ZNF599: variants seen among roughly 807,000 people sequenced by gnomAD.
The protein encoded by ZNF599 is zinc finger protein 599.
Under a neutral mutation model 11.7 loss-of-function variants are expected in ZNF599, and 10 were observed. The observed-to-expected ratio is 0.86, with a 90% CI of 0.53 to 1.45. The LOEUF is 1.45. Ranked by LOEUF, ZNF599 falls within the 40% of genes most tolerant of loss-of-function variation. The pLI is 0.00. For missense variants in ZNF599, 688 were observed against 713.6 expected, an observed-to-expected ratio of 0.96 and a Z score of 0.41; for synonymous variants, 232 against 253.2, an observed-to-expected ratio of 0.92 and a Z score of 0.79.
the ZNF599 span, among the ~76,000 whole-genome samples, chr19:34,801,506 A>C: frequency 1.3e-5 from 2 of 152,274 alleles, no homozygotes; most frequent in East Asian, 3.9e-4. Flanking sequence ...CCTTTCCCCA[A>C]TTTGGACTCT....
At chr19:34,801,693 C>T in the ZNF599 span, among the ~76,000 whole-genome samples, 1 of 152,236 alleles carries the variant, frequency 6.6e-6, no homozygotes, top group African/African-American at 2.4e-5. Context: ...CTGCCCCACA[C>T]TCAGTGGTGC....
chr19:34,772,789 C>G, intron 1 of ZNF599, 35 bp downstream of exon 1: 1 of 1,535,028 alleles, frequency 6.5e-7, no homozygotes, highest in Non-Finnish European at 8.7e-7. Context: ...GGGCGGTGAC[C>G]CGAGCTCGCG....
the ZNF599 span, among the ~76,000 whole-genome samples, chr19:34,804,091 T>C: frequency 6.6e-6 from 1 of 152,200 alleles, no homozygotes; most frequent in Non-Finnish European, 1.5e-5. Context: ...ACCTTCTGGC[T>C]GTTTCATCAG....
Position 34,773,002 on chromosome 19 carries a change from G to GAC in ZNF599, c.-163_-162dup. The GAC allele has an allele frequency of 1.2e-6, 1 of 836,362 alleles. No homozygotes were observed. The highest frequency in any genetic ancestry group is 1.7e-6 in the Non-Finnish European group (1 of 576,030). 51.8% of individuals were successfully genotyped at this position (836,362 alleles called of 1,614,324 possible). ...CGGCGCCGCCTCTGCGCGCCGTGAG[G>GAC]ACACAGGGCTGTCGCCAAGGCCCCA... On this transcript the variant is annotated 5_prime_UTR_variant, in exon 1 of 4. It removes the in-frame stop codon of an upstream open reading frame in the 5' UTR. Coordinates refer to ENST00000329285, the MANE Select transcript of ZNF599 (RefSeq NM_001007248.3).
the ZNF599 span, among the ~76,000 whole-genome samples, chr19:34,805,646 G>T: frequency 6.6e-6 from 1 of 152,042 alleles, no homozygotes; most frequent in South Asian, 2.1e-4. Flanking sequence ...TGATCTTCCT[G>T]CCTCCTCCCT....
At chr19:34,794,946 C>T in the ZNF599 span, among the ~76,000 whole-genome samples, 2 of 152,100 alleles carry the variant, frequency 1.3e-5, no homozygotes, top group African/African-American at 4.8e-5. Context: ...ATCTTATGGG[C>T]ATAGGTCCTG....
chr19:34,780,370 G>T, the ZNF599 span, among the ~76,000 whole-genome samples: 2 of 152,046 alleles, frequency 1.3e-5, no homozygotes, highest in Non-Finnish European at 2.9e-5. Flanking sequence ...TAAGCTGGGT[G>T]TGGTAGTGTG....
rs765653992 is a variant in ZNF599, at chr19:34,760,209, G to C, written c.592C>G (p.Pro198Ala). Reference sequence around the variant, plus strand: ...TTCCCACATTCCGTGCATGTGTAAGGGTTATTCCTTGCATCAGTCATGGGG... The same window carrying C: ...TTCCCACATTCCGTGCATGTGTAAGCGTTATTCCTTGCATCAGTCATGGGG... ...KDPMTDARNN[P>A]YTCTECGKGF... The change falls in exon 4 of 4, where the codon CCT (proline) becomes GCT (alanine). Residue 198 changes from proline to alanine, a missense_variant. Pro to Ala is a conservative substitution (Grantham distance 27). Transcript: ENST00000329285. 1.3e-5 allele frequency: 21 copies of C among 1,614,024 alleles called. No homozygotes were observed. The Admixed American group carries it at 2.3e-4, about 18-fold the overall frequency.
rs543555908 is a variant in ZNF599 at position 34,760,585 on chromosome 19, A to C, written c.242-26T>G. ...CTGAAGGAAATCCAATATAAAAAAA[A>C]CTGAACATTAGTGATGTCAACAGAA... On this transcript the variant is annotated intron_variant, in intron 3 of 3. Coordinates refer to ENST00000329285, the MANE Select transcript of ZNF599 (RefSeq NM_001007248.3). The C allele has an allele frequency of 5.3e-5, 83 of 1,559,894 alleles. 1 individual carries two copies. In the African/African-American group the frequency reaches 8.3e-4, roughly 16 times the overall value.
chr19:34,806,783 T>C, the ZNF599 span, among the ~76,000 whole-genome samples: 1 of 152,018 alleles, frequency 6.6e-6, no homozygotes, highest in Non-Finnish European at 1.5e-5. Flanking sequence ...CCAAACCGCT[T>C]TGTCTTCCAG....
chr19:34,767,907 G>A (rs1326152549), intron 2 of ZNF599, among the ~76,000 whole-genome samples: 1 of 152,216 alleles, frequency 6.6e-6, no homozygotes, highest in African/African-American at 2.4e-5. Context: ...CCAGGAGTCA[G>A]CAGCACCTCA....
the ZNF599 span, chr19:34,779,486 A>G: frequency 4.4e-6 from 2 of 456,714 alleles, no homozygotes; most frequent in Non-Finnish European, 4.4e-6. Context: ...GGCTTTGGAT[A>G]ATTTCTCACA....
chr19:34,797,432 A>G, the ZNF599 span, among the ~76,000 whole-genome samples: 1 of 152,016 alleles, frequency 6.6e-6, no homozygotes, highest in South Asian at 2.1e-4. Flanking sequence ...TCCCACCAAC[A>G]GTGTAAAAGT....
the ZNF599 span, among the ~76,000 whole-genome samples, chr19:34,786,312 G>A: frequency 6.6e-6 from 1 of 152,012 alleles, no homozygotes; most frequent in Non-Finnish European, 1.5e-5. Flanking sequence ...CATTCCTTGG[G>A]TATGAATCCC....
upstream of ZNF599, among the ~76,000 whole-genome samples, chr19:34,777,400 T>TTA (rs2069223674): frequency 1.1e-5 from 1 of 88,760 alleles, no homozygotes; most frequent in Non-Finnish European, 2.0e-5. Context: ...ATATAATATA[T>TTA]ATTATATATA....
the ZNF599 span, among the ~76,000 whole-genome samples, chr19:34,806,557 C>T: frequency 0.046 from 6,967 of 152,198 alleles, 506 homozygotes; most frequent in African/African-American, 0.16. Flanking sequence ...AATAGTTTCC[C>T]ACAGTCCCCT....
At chr19:34,774,551 A>G (rs1313025386), upstream of ZNF599, among the ~76,000 whole-genome samples, 1 of 152,228 alleles carries the variant, frequency 6.6e-6, no homozygotes, top group Non-Finnish European at 1.5e-5. Flanking sequence ...TTCTGCCTAT[A>G]TTCCATGGCC....
intron 1 of ZNF599, among the ~76,000 whole-genome samples, chr19:34,769,847 T>G (rs1263617181): frequency 5.9e-5 from 9 of 152,156 alleles, no homozygotes; most frequent in African/African-American, 1.9e-4. Context: ...GGAAAAATAA[T>G]AATTCAAACA....
Position 34,769,518 on chromosome 19 carries a change from G to C in ZNF599, c.56C>G (p.Thr19Ser), listed in dbSNP as rs1466409846. The change falls in exon 2 of 4, where the codon ACT (threonine) becomes AGT (serine). Residue 19 changes from threonine to serine, a missense_variant. Physicochemically the swap from Thr to Ser is moderately conservative, Grantham distance 58. Transcript: ENST00000329285. ...VSFEDVVVTF[T>S]GEEWGHLDLA... ...GTCCAGGTGCCCCCATTCCTCTCCAGTGAAGGTCACAACCACGTCTTCAAA... is the reference window on the plus strand; with the variant it reads ...GTCCAGGTGCCCCCATTCCTCTCCACTGAAGGTCACAACCACGTCTTCAAA... 1.2e-6 allele frequency: 2 copies of C among 1,614,190 alleles called. No individual in the cohort carries two copies. Among genetic ancestry groups the C allele is most frequent in the South Asian group, 2.2e-5 (2 of 91,080 alleles).
Sources: allele counts gnomAD v4.1 joint callset (sites outside exome capture counted in the v4.1 genomes callset), GRCh38; gene constraint gnomAD v4.1.1; transcripts MANE v1.5; gene names NCBI Gene and HGNC (gene_info 2026-07-23, HGNC 2026-07-21).